Variants in RCL1 observed in about 807,000 individuals in gnomAD.
The protein encoded by RCL1 is RNA 3'-terminal phosphate cyclase-like protein.
A neutral mutation model predicts 42.4 loss-of-function variants in RCL1; 24 were observed. That is an observed-to-expected ratio of 0.57 (90% confidence interval 0.41 to 0.80). The LOEUF is 0.80. Ranked by LOEUF, RCL1 falls within the 30% of genes least tolerant of loss-of-function variation. The pLI, the probability that RCL1 is intolerant of heterozygous loss-of-function variation, is 0.00. For synonymous variants in RCL1, 228 were observed against 177.3 expected (o/e 1.29, Z -2.27); for missense variants, 578 against 467.9 (o/e 1.24, Z -2.17).
At chr9:4,849,895 G>A (rs1295498003) in intron 8 of RCL1, among the ~76,000 whole-genome samples, 1 of 152,040 alleles carries the variant, frequency 6.6e-6, no homozygotes, top group Non-Finnish European at 1.5e-5. Flanking sequence ...CTTTTCCTTA[G>A]CTGTCTAACT....
chr9:4,859,099 G>A (rs1319966497), intron 8 of RCL1, among the ~76,000 whole-genome samples: 1 of 152,120 alleles, frequency 6.6e-6, no homozygotes, highest in African/African-American at 2.4e-5. Flanking sequence ...GAGTCTTATG[G>A]TCAGGCTAGC....
At chr9:4,802,934 C>G (rs964972206) in intron 1 of RCL1, among the ~76,000 whole-genome samples, 2 of 152,022 alleles carry the variant, frequency 1.3e-5, no homozygotes, top group African/African-American at 4.8e-5. Flanking sequence ...AATCCTCTTG[C>G]CTCAGCCTCC....
intron 3 of RCL1, among the ~76,000 whole-genome samples, chr9:4,830,915 C>T (rs1174423684): frequency 3.3e-5 from 5 of 152,190 alleles, no homozygotes. Context: ...TTCTCTCTGA[C>T]CGCAGAGTGG....
chr9:4,809,446 G>T (rs1816094149), intron 1 of RCL1, among the ~76,000 whole-genome samples: 2 of 151,224 alleles, frequency 1.3e-5, no homozygotes, highest in Admixed American at 6.6e-5. Context: ...AGTAGCTGGG[G>T]CTACAGGCAT....
intron 1 of RCL1, among the ~76,000 whole-genome samples, chr9:4,794,871 A>T (rs1473539526): frequency 6.6e-6 from 1 of 152,120 alleles, no homozygotes; most frequent in Non-Finnish European, 1.5e-5. Context: ...GCCACTTGGC[A>T]CTTTCTTGAA....
chr9:4,829,401 G>C (rs930012664), intron 3 of RCL1, among the ~76,000 whole-genome samples: 2 of 152,126 alleles, frequency 1.3e-5, no homozygotes, highest in African/African-American at 4.8e-5. Context: ...TGCAATAAAG[G>C]ATCATGATCG....
In RCL1 at chr9:4,845,759, G is replaced by C. The variant is rs141380484; in HGVS notation, c.867+1078G>C. 2.0e-3 allele frequency among the ~76,000 whole-genome samples: 302 copies of C among 152,330 alleles called. 2 individuals carry two copies. The highest frequency in any genetic ancestry group is 7.0e-3 in the African/African-American group (290 of 41,582). On this transcript the variant is annotated intron_variant, in intron 7 of 8. Transcript: ENST00000381750. ...GTTAGGTCCCAGATTCTTGAACTGA[G>C]CATCAGCAAGAACTATACTCTAGTT...
At chr9:4,835,863 G>T (rs988849255) in intron 5 of RCL1, among the ~76,000 whole-genome samples, 4 of 152,248 alleles carry the variant, frequency 2.6e-5, no homozygotes, top group Non-Finnish European at 5.9e-5. Flanking sequence ...TGTGTAAGTA[G>T]CATTGGGTAA....
chr9:4,805,137 A>G (rs780574139), intron 1 of RCL1, among the ~76,000 whole-genome samples: 4 of 152,186 alleles, frequency 2.6e-5, no homozygotes, highest in Non-Finnish European at 4.4e-5. Flanking sequence ...GGGGATAGAA[A>G]GATTAGAAAT....
In RCL1 at chr9:4,827,019, C is replaced by T. The variant is rs1816786087; in HGVS notation, c.370C>T (p.Gln124Ter). 1.9e-6 allele frequency: 3 copies of T among 1,614,050 alleles called. No homozygotes were observed. Among genetic ancestry groups the T allele is most frequent in the Admixed American group, 1.7e-5 (1 of 60,008 alleles). The change falls in exon 3 of 9, where the codon CAG becomes TAG. Residue 124 changes from glutamine (Q) to a stop codon, truncating the protein, a stop_gained. Coordinates refer to ENST00000381750, the MANE Select transcript of RCL1 (RefSeq NM_005772.5). LOFTEE classifies it high-confidence loss of function. The stretch of plus-strand genomic sequence containing the variant: ...AGTTCTACGAGGAGTGACCAATGAT[C>T]AGGTTGACCCTTCAGTGAGTATTGA... Reference protein sequence around the residue: ...KIVLRGVTNDQVDPSVDVLKA... With the variant: ...KIVLRGVTND
intron 1 of RCL1, among the ~76,000 whole-genome samples, chr9:4,805,680 G>C (rs1028470411): frequency 4.6e-5 from 7 of 152,144 alleles, no homozygotes; most frequent in Non-Finnish European, 2.9e-5. Context: ...GCAGTGGTGG[G>C]TGTAGCTGAG....
chr9:4,810,827 G>A (rs746732855), intron 1 of RCL1, among the ~76,000 whole-genome samples: 1 of 152,124 alleles, frequency 6.6e-6, no homozygotes, highest in Admixed American at 6.5e-5. Flanking sequence ...TAGGTGTATT[G>A]TAGTCATTCA....
rs369038063 is a variant in RCL1, at chr9:4,848,684, C to G, written c.868-763C>G. Among the ~76,000 whole-genome samples the G allele has an allele frequency of 5.3e-5, 8 of 151,974 alleles. No individual in the cohort carries two copies. The East Asian group carries it at 7.7e-4, about 15-fold the overall frequency. On this transcript the variant is annotated intron_variant, in intron 7 of 8. Transcript: ENST00000381750. The stretch of plus-strand genomic sequence containing the variant: ...TGCTTATGTATGCGTCTAGTGGAGG[C>G]AAAACAGTTAAAATGGCTGAGAAAA...
chr9:4,831,680 G>C (rs1370793506), intron 3 of RCL1, among the ~76,000 whole-genome samples: 2 of 152,042 alleles, frequency 1.3e-5, no homozygotes, highest in Non-Finnish European at 2.9e-5. Context: ...ATGTTGCTCG[G>C]GCTGTAGCTT....
chr9:4,843,972 T>C (rs546033523), intron 6 of RCL1, among the ~76,000 whole-genome samples: 2 of 152,332 alleles, frequency 1.3e-5, no homozygotes, highest in Admixed American at 1.3e-4. Flanking sequence ...GCACCCCCTT[T>C]CCTTGGCAGG....
chr9:4,860,449 G>T lies in RCL1; in HGVS notation c.*174G>T. On this transcript the variant is annotated 3_prime_UTR_variant, in exon 9 of 9. Transcript: ENST00000381750. ...ACATCCCTGTAGCATATGGTTTCCA[G>T]CTGTTTCTCCAGTGGCATTGCCATT... 9.7e-6 allele frequency: 7 copies of T among 722,634 alleles called. No individual in the cohort carries two copies. The South Asian group carries it at 1.7e-4, about 17-fold the overall frequency. 44.8% of individuals were successfully genotyped at this position (722,634 alleles called of 1,614,324 possible).
chr9:4,834,114 G>T (rs761568755), intron 4 of RCL1, 27 bp from the exon 5 acceptor site: 2 of 1,605,884 alleles, frequency 1.2e-6, no homozygotes, highest in Non-Finnish European at 1.7e-6. Context: ...CTGCATCCTC[G>T]CCTCATCTTT....
intron 2 of RCL1, 32 bp from the exon 3 acceptor site, chr9:4,826,826 G>T: frequency 6.4e-7 from 1 of 1,567,906 alleles, no homozygotes; most frequent in Non-Finnish European, 8.6e-7. Flanking sequence ...TTTTTTTCCT[G>T]CTGAATGTGG....
chr9:4,826,777 T>C, intron 2 of RCL1, 81 bp from the exon 3 acceptor site: 4 of 1,266,800 alleles, frequency 3.2e-6, no homozygotes, highest in Non-Finnish European at 4.4e-6. Flanking sequence ...GGCTTTCCCC[T>C]TGGAACTCAC....
Sources: gnomAD v4.1 joint callset for allele counts (sites outside exome capture counted in the v4.1 genomes callset) on GRCh38, gnomAD v4.1.1 for gene constraint, MANE v1.5 for transcripts, NCBI Gene and HGNC (gene_info 2026-07-23, HGNC 2026-07-21) for gene names.